The following TRPC4AP variants were observed in gnomAD, a reference collection of about 807,000 sequenced individuals.
TRPC4AP encodes the protein transient receptor potential cation channel subfamily C member 4 associated protein.
In TRPC4AP, 45 loss-of-function variants were observed where a neutral mutation model predicts 99.0. That is an observed-to-expected ratio of 0.45 (90% CI 0.36 to 0.58). The LOEUF is 0.58. TRPC4AP is among the 20% of genes least tolerant of loss of function. The pLI, the probability that TRPC4AP is intolerant of heterozygous loss-of-function variation, is 0.00. For missense variants in TRPC4AP, 879 were observed against 985.3 expected (o/e 0.89, Z 1.44); for synonymous variants, 408 against 385.8 (o/e 1.06, Z -0.67).
chr20:35,034,151 CAAAAAAAAAAA>C (rs59579695), intron 8 of TRPC4AP, among the ~76,000 whole-genome samples: 1 of 6,232 alleles, frequency 1.6e-4, no homozygotes, highest in South Asian at 0.012. Context: ...GACTCCGTCT[CAAAAAAAAAAA>C]AAAAAAAAAA....
In TRPC4AP at chr20:35,021,173, G is replaced by A. The variant is rs749945307; in HGVS notation, c.1218+17C>T. ...GCACCTGCTCCCCGTGTCCTGAGACGCTGGAGAGGGGCCCACCTGGTTTCG... is the reference window on the plus strand; with the variant it reads ...GCACCTGCTCCCCGTGTCCTGAGACACTGGAGAGGGGCCCACCTGGTTTCG... On this transcript the variant is annotated intron_variant, in intron 9 of 18. Coordinates refer to ENST00000252015, the MANE Select transcript of TRPC4AP (RefSeq NM_015638.3). 1.9e-5 allele frequency: 30 copies of A among 1,605,554 alleles called. No homozygotes were observed. Among genetic ancestry groups the A allele is most frequent in the Non-Finnish European group, 2.4e-5 (28 of 1,174,238 alleles).
intron 6 of TRPC4AP, 59 bp from the exon 7 acceptor site, chr20:35,044,771 G>A: frequency 1.9e-6 from 3 of 1,552,274 alleles, no homozygotes; most frequent in Non-Finnish European, 2.7e-6. Context: ...GATTGGATGT[G>A]CCTCTCTTTC....
chr20:35,047,773 T>C (rs564286921), intron 6 of TRPC4AP, among the ~76,000 whole-genome samples: 2 of 152,302 alleles, frequency 1.3e-5, no homozygotes, highest in Middle Eastern at 3.4e-3. Flanking sequence ...ATGGACTGAC[T>C]TTACAACCTT....
intron 13 of TRPC4AP, 96 bp from the exon 14 acceptor site, chr20:35,007,736 T>A (rs1377468813): frequency 2.4e-6 from 3 of 1,252,770 alleles, no homozygotes; most frequent in Non-Finnish European, 3.5e-6. Context: ...TGCCTTTTCA[T>A]GTACTCAACA....
intron 2 of TRPC4AP, among the ~76,000 whole-genome samples, chr20:35,075,085 C>CTT (rs201902537): frequency 1.5e-3 from 222 of 148,994 alleles, no homozygotes; most frequent in Admixed American, 4.7e-3. Context: ...GCAACCCCTG[C>CTT]TTTTTTTTTT....
At chr20:35,072,665 TG>T (rs2145999483) in intron 2 of TRPC4AP, among the ~76,000 whole-genome samples, 1 of 152,352 alleles carries the variant, frequency 6.6e-6, no homozygotes, top group East Asian at 1.9e-4. Flanking sequence ...AATAGTACCA[TG>T]CTGTTTTGGT....
chr20:35,055,125 C>CATCTTGGAGGGGATTATAA, intron 4 of TRPC4AP, 94 bp from the exon 5 acceptor site: 1 of 1,089,548 alleles, frequency 9.2e-7, no homozygotes. Context: ...CTGTTATAAT[C>CATCTTGGAGGGGATTATAA]CCCTCCAAGA....
chr20:35,008,281 C>A (rs1188066336), intron 13 of TRPC4AP, among the ~76,000 whole-genome samples: 1 of 152,214 alleles, frequency 6.6e-6, no homozygotes, highest in African/African-American at 2.4e-5. Flanking sequence ...ACCCAGCCCC[C>A]AGCCCTAGCA....
At position 35,008,116 on chromosome 20, in the gene TRPC4AP, G is replaced by T. The variant is rs554108288; in HGVS notation, c.1596-476C>A. Among the ~76,000 whole-genome samples the T allele has an allele frequency of 2.6e-5, 4 of 152,326 alleles. No individual in the cohort carries two copies. In the South Asian group the frequency reaches 8.3e-4, roughly 32 times the overall value. Reference sequence around the variant, plus strand: ...AGGGCACAGCGGGTATCCACGACAGGGAGTTTGGACAAGGCACTGAAGTGA... The same window carrying T: ...AGGGCACAGCGGGTATCCACGACAGTGAGTTTGGACAAGGCACTGAAGTGA... On this transcript the variant is annotated intron_variant, in intron 13 of 18. Coordinates refer to ENST00000252015, the MANE Select transcript of TRPC4AP (RefSeq NM_015638.3).
In TRPC4AP at chr20:35,013,020, C is replaced by T; in HGVS notation, c.1397G>A (p.Ser466Asn). The T allele has an allele frequency of 1.2e-6, 2 of 1,614,100 alleles. No individual in the cohort carries two copies. Among genetic ancestry groups the T allele is most frequent in the African/African-American group, 1.3e-5 (1 of 75,030 alleles). Residue 466 changes from serine (S) to asparagine (N), a missense_variant, in exon 11 of 19, where the codon AGT becomes AAT. Physicochemically the swap from Ser to Asn is conservative, Grantham distance 46 (BLOSUM62 1). Transcript: ENST00000252015. ...CTCTTGTACTTACTCGTGGTGGTCACTGAAGCTCTGAAGAAGCCTCAAAAA... is the reference window on the plus strand; with the variant it reads ...CTCTTGTACTTACTCGTGGTGGTCATTGAAGCTCTGAAGAAGCCTCAAAAA... ...IQFLRLLQSF[S>N]DHHENKYLLL...
At chr20:35,034,707 G>A (rs1210471831) in intron 8 of TRPC4AP, among the ~76,000 whole-genome samples, 1 of 152,162 alleles carries the variant, frequency 6.6e-6, no homozygotes, top group African/African-American at 2.4e-5. Flanking sequence ...GAGACTGGGA[G>A]TCTTCTTATT....
intron 10 of TRPC4AP, among the ~76,000 whole-genome samples, chr20:35,014,755 G>A (rs1211273099): frequency 6.6e-6 from 1 of 152,180 alleles, no homozygotes; most frequent in Non-Finnish European, 1.5e-5. Context: ...CAGGCCGATG[G>A]CTGGGTGGCA....
chr20:35,045,277 C>T (rs954431085), intron 6 of TRPC4AP, among the ~76,000 whole-genome samples: 5 of 152,192 alleles, frequency 3.3e-5, no homozygotes, highest in Non-Finnish European at 5.9e-5. Flanking sequence ...TGATACCATA[C>T]TATACCTTAC....
At chr20:35,085,906 CTTAT>C (rs1007425670) in intron 1 of TRPC4AP, among the ~76,000 whole-genome samples, 3 of 152,160 alleles carry the variant, frequency 2.0e-5, no homozygotes, top group Admixed American at 6.6e-5. Flanking sequence ...AACTGTGCAT[CTTAT>C]TTGTTTCTTT....
At chr20:35,041,752 A>G (rs1274876227) in intron 7 of TRPC4AP, among the ~76,000 whole-genome samples, 1 of 152,234 alleles carries the variant, frequency 6.6e-6, no homozygotes, top group Non-Finnish European at 1.5e-5. Flanking sequence ...TGGGAAACTA[A>G]AAGATGAAAG....
intron 7 of TRPC4AP, among the ~76,000 whole-genome samples, chr20:35,040,476 G>A (rs967328528): frequency 6.6e-6 from 1 of 152,208 alleles, no homozygotes. Context: ...ACTTGCACCA[G>A]CAGTTTCTGG....
Position 35,015,995 on chromosome 20 carries a change from G to A in TRPC4AP, c.1350+13C>T. 2 of 1,614,126 alleles carry A rather than the reference G, an allele frequency of 1.2e-6. No individual in the cohort carries two copies. The highest frequency in any genetic ancestry group is 2.7e-5 in the African/African-American group (2 of 75,048). On this transcript the variant is annotated intron_variant, in intron 10 of 18. Coordinates refer to ENST00000252015, the MANE Select transcript of TRPC4AP (RefSeq NM_015638.3). ...AGTGAGGCCCCATCTGTCCCCGGGGGTCTCCTGCTTACCGGGCTACAGTCA... is the reference window on the plus strand; with the variant it reads ...AGTGAGGCCCCATCTGTCCCCGGGGATCTCCTGCTTACCGGGCTACAGTCA...
intron 17 of TRPC4AP, 38 bp from the exon 18 acceptor site, chr20:35,003,654 G>C (rs924728089): frequency 3.1e-6 from 5 of 1,591,970 alleles, no homozygotes; most frequent in Non-Finnish European, 4.3e-6. Context: ...GGGGCTGGTG[G>C]GAGCCCCAGT....
rs776763507 is a variant in TRPC4AP at position 35,006,579 on chromosome 20, G to C, written c.1687-4C>G. On this transcript the variant is annotated splice_polypyrimidine_tract_variant and splice_region_variant and intron_variant, in intron 14 of 18. Coordinates refer to ENST00000252015, the MANE Select transcript of TRPC4AP (RefSeq NM_015638.3). Reference sequence around the variant, plus strand: ...CCACAATGCAGTAAAGGATGTGCTGGGTGAGGAGGGACAGGGTGAAGGTGT... The same window carrying C: ...CCACAATGCAGTAAAGGATGTGCTGCGTGAGGAGGGACAGGGTGAAGGTGT... 2 of 1,613,018 alleles carry C rather than the reference G, an allele frequency of 1.2e-6. No homozygotes were observed. Among genetic ancestry groups the C allele is most frequent in the East Asian group, 4.5e-5 (2 of 44,866 alleles).
Sources: allele counts gnomAD v4.1 joint callset (sites outside exome capture counted in the v4.1 genomes callset), GRCh38; gene constraint gnomAD v4.1.1; transcripts MANE v1.5; gene names NCBI Gene and HGNC (gene_info 2026-07-23, HGNC 2026-07-21).